TRPC6: variants seen among roughly 807,000 people sequenced by gnomAD.
TRPC6 encodes the protein short transient receptor potential channel 6.
A neutral mutation model predicts 90.7 loss-of-function variants in TRPC6; 55 were observed. That is an observed-to-expected ratio of 0.61 (90% confidence interval 0.49 to 0.76). The LOEUF (loss-of-function observed/expected upper bound fraction) is 0.76. TRPC6 is among the 30% of genes least tolerant of loss of function. The pLI, the probability that TRPC6 is intolerant of heterozygous loss-of-function variation, is 0.00. For synonymous variants in TRPC6, 393 were observed against 393.0 expected (o/e 1.00, Z 0.00); for missense variants, 989 against 1,122.7 (o/e 0.88, Z 1.70).
chr11:101,499,408 T>C (rs1299399043), intron 2 of TRPC6, among the ~76,000 whole-genome samples: 1 of 151,846 alleles, frequency 6.6e-6, no homozygotes, highest in South Asian at 2.1e-4. Context: ...TCTAGTAAGA[T>C]AGTTATCAAA....
chr11:101,480,240 CA>C (rs1324996796), intron 5 of TRPC6, among the ~76,000 whole-genome samples: 2 of 152,018 alleles, frequency 1.3e-5, no homozygotes, highest in African/African-American at 4.8e-5. Context: ...AATTTATGGT[CA>C]AGAATAAAAT....
chr11:101,535,896 A>G (rs1861034165), intron 1 of TRPC6, among the ~76,000 whole-genome samples: 1 of 152,234 alleles, frequency 6.6e-6, no homozygotes, highest in Non-Finnish European at 1.5e-5. Flanking sequence ...ATTAATGCAA[A>G]GAATAACAAG....
rs1426311567 is a variant in TRPC6, at chr11:101,488,820, T to G, written c.1293+117A>C. ...AATTATTTTGTAATGTTAAAAACAA[T>G]AAAGATTACTGAAACCCAACTGTGA... On this transcript the variant is annotated intron_variant, in intron 4 of 12. Coordinates refer to ENST00000344327, the MANE Select transcript of TRPC6 (RefSeq NM_004621.6). 184 of 1,124,956 alleles carry G rather than the reference T, an allele frequency of 1.6e-4. No homozygotes were observed. In the East Asian group the frequency reaches 4.3e-3, roughly 27 times the overall value. 69.7% of individuals were successfully genotyped at this position (1,124,956 alleles called of 1,614,324 possible).
At chr11:101,565,483 A>G (rs1861808092) in intron 1 of TRPC6, among the ~76,000 whole-genome samples, 1 of 152,132 alleles carries the variant, frequency 6.6e-6, no homozygotes, top group Non-Finnish European at 1.5e-5. Context: ...TAAGATAAAA[A>G]TAAAATTCTG....
chr11:101,483,329 C>A (rs1363617780), intron 4 of TRPC6, among the ~76,000 whole-genome samples, 164 bp from the exon 5 acceptor site: 1 of 152,122 alleles, frequency 6.6e-6, no homozygotes, highest in Non-Finnish European at 1.5e-5. Flanking sequence ...TATGCTGTTA[C>A]AAAATTTTGT....
chr11:101,489,134 A>T, intron 3 of TRPC6, 33 bp from the exon 4 acceptor site: 1 of 1,608,552 alleles, frequency 6.2e-7, no homozygotes, highest in East Asian at 2.2e-5. Flanking sequence ...TTTAAATTTG[A>T]CTAAAGAAAG....
In TRPC6 at chr11:101,453,054, A is replaced by T; in HGVS notation, c.2697T>A (p.Leu899=). 1 of 1,613,904 alleles carries T rather than the reference A, an allele frequency of 6.2e-7. No homozygotes were observed. The highest frequency in any genetic ancestry group is 8.5e-7 in the Non-Finnish European group (1 of 1,179,876). The change falls in exon 13 of 13, where the codon CTT becomes CTA. Residue 899 remains leucine (L), a synonymous_variant. Transcript: ENST00000344327. ...CTTCTGTATTCTGAGATTTTTCTTC[A>T]AGGAGTTCATAGCGGAGACTTGAGA... ...QDISSLRYEL[L]EEKSQNTEDL...
At chr11:101,471,487 C>T (rs1235600499) in intron 8 of TRPC6, 101 bp from the exon 9 acceptor site, 2 of 1,187,390 alleles carry the variant, frequency 1.7e-6, no homozygotes, top group African/African-American at 3.0e-5. Flanking sequence ...TGCCTATAAA[C>T]ACTCTCAGAC....
Position 101,452,941 on chromosome 11 carries a change from A to G in TRPC6, c.*14T>C. The G allele has an allele frequency of 6.2e-7, 1 of 1,613,508 alleles. No individual in the cohort carries two copies. The highest frequency in any genetic ancestry group is 8.5e-7 in the Non-Finnish European group (1 of 1,179,548). On this transcript the variant is annotated 3_prime_UTR_variant, in exon 13 of 13. Transcript: ENST00000344327. ...GTGGACAAATAAATATGAATTTCTA[A>G]GGAAGTCTTCGCATTATCTATTGGT... is the stretch of plus-strand genomic sequence containing the variant.
At chr11:101,520,146 G>A (rs532380285) in intron 1 of TRPC6, among the ~76,000 whole-genome samples, 1 of 152,122 alleles carries the variant, frequency 6.6e-6, no homozygotes, top group Non-Finnish European at 1.5e-5. Flanking sequence ...CTGGTGGGAG[G>A]TGATTAGATC....
At chr11:101,499,886 C>A (rs866637729) in intron 2 of TRPC6, among the ~76,000 whole-genome samples, 1 of 83,432 alleles carries the variant, frequency 1.2e-5, no homozygotes, top group Non-Finnish European at 2.4e-5. Context: ...TATATATATA[C>A]ACAGTATAAA....
At chr11:101,488,901 T>C in intron 4 of TRPC6, 36 bp downstream of exon 4, 1 of 1,612,022 alleles carries the variant, frequency 6.2e-7, no homozygotes, top group Non-Finnish European at 8.5e-7. Flanking sequence ...AACATATTTC[T>C]AGTAGATAAT....
chr11:101,526,668 G>A (rs1470268941), intron 1 of TRPC6, among the ~76,000 whole-genome samples: 2 of 151,540 alleles, frequency 1.3e-5, no homozygotes, highest in Non-Finnish European at 2.9e-5. Context: ...TGAGACCAGT[G>A]TGGCCAACAC....
intron 8 of TRPC6, 87 bp from the exon 9 acceptor site, chr11:101,471,473 A>G: frequency 2.1e-6 from 3 of 1,408,682 alleles, no homozygotes; most frequent in Admixed American, 1.7e-5. Context: ...TAGATGGAGG[A>G]CAATGCCTAT....
rs10567537 is a variant in TRPC6, at chr11:101,486,084, CTTGTTTTGTT to C, written c.1293+2843_1293+2852del. On this transcript the variant is annotated intron_variant, in intron 4 of 12. Transcript: ENST00000344327. ...TTCTTGGTTTGTTTGTTGGTGTTTT[CTTGTTTTGTT>C]TTGTTTTGTTTTGTTTTAGCAATCA... is the stretch of plus-strand genomic sequence containing the variant. 5.5e-3 allele frequency among the ~76,000 whole-genome samples: 825 copies of C among 151,350 alleles called. 3 individuals are homozygous for C. The highest frequency in any genetic ancestry group is 0.019 in the African/African-American group (779 of 41,150).
At chr11:101,572,644 G>A (rs1165127555) in intron 1 of TRPC6, among the ~76,000 whole-genome samples, 7 of 152,180 alleles carry the variant, frequency 4.6e-5, no homozygotes, top group Non-Finnish European at 1.0e-4. Flanking sequence ...TAAAGAAAAT[G>A]TGGCACATAT....
Position 101,583,721 on chromosome 11 carries a change from G to T in TRPC6, c.-218C>A. The stretch of plus-strand genomic sequence containing the variant: ...TCACCACTTAAGGGGGTGCAAAGAG[G>T]ATCTTGACCTGAGCAGGTCAGGCCG... On this transcript the variant is annotated 5_prime_UTR_variant, in exon 1 of 13. Coordinates refer to ENST00000344327, the MANE Select transcript of TRPC6 (RefSeq NM_004621.6). 1 of 473,070 alleles carries T rather than the reference G, an allele frequency of 2.1e-6. No homozygotes were observed. Among genetic ancestry groups the T allele is most frequent in the Non-Finnish European group, 3.6e-6 (1 of 278,016 alleles). The allele number at this position is 473,070 out of a possible 1,614,324, so 29.3% of individuals were successfully genotyped here. A position where few individuals can be genotyped will look rare whatever the true frequency, so the allele number is the denominator to read the frequency against.
intron 10 of TRPC6, among the ~76,000 whole-genome samples, chr11:101,457,976 T>TGTAA (rs1335372712): frequency 6.6e-6 from 1 of 152,216 alleles, no homozygotes; most frequent in Admixed American, 6.5e-5. Context: ...ATAAATCCAT[T>TGTAA]GTAAGTAAGT....
At chr11:101,482,490 G>A (rs776225684) in intron 5 of TRPC6, among the ~76,000 whole-genome samples, 19 of 152,112 alleles carry the variant, frequency 1.2e-4, no homozygotes, top group Admixed American at 9.8e-4. Flanking sequence ...AGAAAACTGA[G>A]GTGCAAAGAA....
Sources: gnomAD v4.1 joint callset for allele counts (sites outside exome capture counted in the v4.1 genomes callset) on GRCh38, gnomAD v4.1.1 for gene constraint, MANE v1.5 for transcripts, NCBI Gene and HGNC (gene_info 2026-07-23, HGNC 2026-07-21) for gene names.